Variants in ARHGAP24 observed in about 807,000 individuals in gnomAD.
ARHGAP24 encodes rho GTPase-activating protein 24.
Under a neutral mutation model 76.4 loss-of-function variants are expected in ARHGAP24, and 50 were observed. The observed-to-expected ratio is 0.65, with a 90% CI of 0.52 to 0.83. ARHGAP24 has a LOEUF of 0.83. Among genes scored for constraint, ARHGAP24 ranks in the 40% least tolerant of loss-of-function variants. ARHGAP24 has a pLI of 0.00. For synonymous variants in ARHGAP24, 345 were observed against 323.3 expected (o/e 1.07, Z -0.72); for missense variants, 930 against 914.2 (o/e 1.02, Z -0.22).
intron 1 of ARHGAP24, among the ~76,000 whole-genome samples, chr4:85,503,824 G>C (rs1723924169): frequency 6.6e-6 from 1 of 152,164 alleles, no homozygotes; most frequent in Non-Finnish European, 1.5e-5. Flanking sequence ...GTCAATTTTA[G>C]ATCGTTCCTG....
chr4:85,587,253 A>G (rs944174756), intron 2 of ARHGAP24, among the ~76,000 whole-genome samples: 2 of 152,230 alleles, frequency 1.3e-5, no homozygotes, highest in Non-Finnish European at 2.9e-5. Flanking sequence ...AGGTAAATTA[A>G]TACAGAGAAA....
At chr4:85,758,520 T>C (rs868781672) in intron 3 of ARHGAP24, among the ~76,000 whole-genome samples, 4 of 152,186 alleles carry the variant, frequency 2.6e-5, no homozygotes, top group African/African-American at 9.7e-5. Flanking sequence ...GGAATATCAC[T>C]CTCATTACCT....
intron 2 of ARHGAP24, among the ~76,000 whole-genome samples, chr4:85,622,603 T>C (rs1720761156): frequency 1.3e-5 from 2 of 152,278 alleles, no homozygotes; most frequent in Middle Eastern, 3.4e-3. Flanking sequence ...GTCCTTTGGG[T>C]ATATACCCAG....
chr4:85,726,992 G>A (rs1725192999), intron 3 of ARHGAP24, among the ~76,000 whole-genome samples: 1 of 151,990 alleles, frequency 6.6e-6, no homozygotes, highest in African/African-American at 2.4e-5. Context: ...CAAGGTGGGG[G>A]GATCCTGAGG....
At chr4:85,630,159 G>C (rs541753846) in intron 2 of ARHGAP24, among the ~76,000 whole-genome samples, 14 of 152,018 alleles carry the variant, frequency 9.2e-5, no homozygotes, top group African/African-American at 3.4e-4. Context: ...TTCAGTTCAG[G>C]CATTGGAGTT....
At position 85,844,629 on chromosome 4, in the gene ARHGAP24, C is replaced by T. The variant is rs539018065; in HGVS notation, c.269-79019C>T. 2.6e-4 allele frequency among the ~76,000 whole-genome samples: 39 copies of T among 152,268 alleles called. 1 individual carries two copies. In the South Asian group the frequency reaches 7.9e-3, roughly 31 times the overall value. On this transcript the variant is annotated intron_variant, in intron 3 of 9. Coordinates refer to ENST00000395184, the MANE Select transcript of ARHGAP24 (RefSeq NM_001025616.3). ...TACCTGGAGGAGCAGATAATGAACA[C>T]TTTGCACCTTTTCTGATAATGATTT...
chr4:85,781,788 C>T (rs1042741460), intron 3 of ARHGAP24, among the ~76,000 whole-genome samples: 1 of 152,084 alleles, frequency 6.6e-6, no homozygotes, highest in Non-Finnish European at 1.5e-5. Flanking sequence ...AATCCCAGCA[C>T]TTTGGGAGGC....
intron 2 of ARHGAP24, among the ~76,000 whole-genome samples, chr4:85,712,087 A>C (rs1560596992): frequency 1.3e-5 from 2 of 152,174 alleles, no homozygotes; most frequent in Non-Finnish European, 2.9e-5. Context: ...ACCCCTGAAC[A>C]GTTCACATTT....
intron 4 of ARHGAP24, among the ~76,000 whole-genome samples, chr4:85,941,233 A>G (rs1017404119): frequency 2.0e-5 from 3 of 152,212 alleles, no homozygotes; most frequent in African/African-American, 7.2e-5. Flanking sequence ...TCTCTTAATT[A>G]GTGGAGTACT....
intron 3 of ARHGAP24, among the ~76,000 whole-genome samples, chr4:85,909,302 G>T (rs10023600): frequency 0.3 from 44,567 of 149,922 alleles, 6,716 homozygotes; most frequent in South Asian, 0.42. Context: ...CTTTTGTTTT[G>T]TTTTTTTTAA....
At chr4:85,676,874 C>T (rs1194268815) in intron 2 of ARHGAP24, among the ~76,000 whole-genome samples, 1 of 152,120 alleles carries the variant, frequency 6.6e-6, no homozygotes, top group Non-Finnish European at 1.5e-5. Flanking sequence ...GGAAAGGATT[C>T]CCATATTTCC....
rs187293720 is a variant in ARHGAP24 at position 85,522,395 on chromosome 4, A to G, written c.-21+46836A>G. ...TTGGTGAACATACATAATTGCTACA[A>G]ATAATTATTTTCATAACATACTCTC... is the stretch of plus-strand genomic sequence containing the variant. On this transcript the variant is annotated intron_variant, in intron 1 of 9. Coordinates refer to ENST00000395184, the MANE Select transcript of ARHGAP24 (RefSeq NM_001025616.3). Among the ~76,000 whole-genome samples the G allele has an allele frequency of 4.6e-3, 701 of 152,276 alleles. 3 individuals are homozygous for G. Among genetic ancestry groups the G allele is most frequent in the Admixed American group, 0.011 (173 of 15,286 alleles).
chr4:85,640,811 G>T (rs766120341), intron 2 of ARHGAP24, among the ~76,000 whole-genome samples: 2 of 152,044 alleles, frequency 1.3e-5, no homozygotes, highest in African/African-American at 2.4e-5. Context: ...GTCAGGATTT[G>T]ATTATTTGGC....
intron 2 of ARHGAP24, among the ~76,000 whole-genome samples, chr4:85,678,908 A>G (rs898959093): frequency 8.5e-5 from 13 of 152,220 alleles, no homozygotes; most frequent in African/African-American, 3.1e-4. Flanking sequence ...TGTAGGGGCC[A>G]AGGGAAAATT....
At chr4:85,977,495 T>A (rs1283888068) in intron 7 of ARHGAP24, 75 bp from the exon 8 acceptor site, 8 of 1,529,084 alleles carry the variant, frequency 5.2e-6, no homozygotes, top group African/African-American at 2.7e-5. Flanking sequence ...GTTTGTAAAT[T>A]TTCTAATGAT....
chr4:85,556,558 G>C (rs925492526), intron 1 of ARHGAP24, among the ~76,000 whole-genome samples: 1 of 152,192 alleles, frequency 6.6e-6, no homozygotes, highest in Non-Finnish European at 1.5e-5. Flanking sequence ...CATGCTCTGG[G>C]TTGTCTCTGG....
chr4:85,966,291 G>A (rs1357735416), intron 5 of ARHGAP24, among the ~76,000 whole-genome samples: 2 of 152,132 alleles, frequency 1.3e-5, no homozygotes, highest in Admixed American at 6.6e-5. Flanking sequence ...GATGTACGAA[G>A]AGGATAGGAG....
chr4:85,614,202 T>G (rs1046143949), intron 2 of ARHGAP24, among the ~76,000 whole-genome samples: 1 of 152,130 alleles, frequency 6.6e-6, no homozygotes, highest in African/African-American at 2.4e-5. Flanking sequence ...CCGAAATGTC[T>G]TCTTTATTCT....
chr4:86,001,845 G>A lies in ARHGAP24; in HGVS notation c.*1123G>A, dbSNP rs1332444103. On this transcript the variant is annotated 3_prime_UTR_variant, in exon 10 of 10. Coordinates refer to ENST00000395184, the MANE Select transcript of ARHGAP24 (RefSeq NM_001025616.3). ...GTTGGTTTGCAGCAAGAAGATAGTGGGAGGGGGCCAGGCTGCAGGAGAAGG... is the reference window on the plus strand; with the variant it reads ...GTTGGTTTGCAGCAAGAAGATAGTGAGAGGGGGCCAGGCTGCAGGAGAAGG... 1 of 163,782 alleles carries A rather than the reference G, an allele frequency of 6.1e-6. No homozygotes were observed. Among genetic ancestry groups the A allele is most frequent in the Non-Finnish European group, 1.3e-5 (1 of 76,056 alleles). The allele number at this position is 163,782 out of a possible 1,614,324, so 10.1% of individuals were successfully genotyped here.
Sources: gnomAD v4.1 joint callset for allele counts (sites outside exome capture counted in the v4.1 genomes callset) on GRCh38, gnomAD v4.1.1 for gene constraint, MANE v1.5 for transcripts, NCBI Gene and HGNC (gene_info 2026-07-23, HGNC 2026-07-21) for gene names.